PTPRR: variants seen among roughly 807,000 people sequenced by gnomAD.
PTPRR encodes protein tyrosine phosphatase receptor type R, also known as receptor-type tyrosine-protein phosphatase R.
Under a neutral mutation model 77.2 loss-of-function variants are expected in PTPRR, and 38 were observed. The observed-to-expected ratio is 0.49, with a 90% CI of 0.38 to 0.65. PTPRR has a LOEUF of 0.65. Ranked by LOEUF, PTPRR falls within the 30% of genes least tolerant of loss-of-function variation. PTPRR has a pLI of 0.00. For synonymous variants in PTPRR, 299 were observed against 283.1 expected (o/e 1.06, Z -0.57); for missense variants, 744 against 799.2 (o/e 0.93, Z 0.83).
chr12:70,657,781 C>T (rs1886639030), intron 12 of PTPRR, among the ~76,000 whole-genome samples: 1 of 152,160 alleles, frequency 6.6e-6, no homozygotes, highest in African/African-American at 2.4e-5. Flanking sequence ...CTCCCTTTCT[C>T]ACCTCCCACA....
At chr12:70,692,437 AT>A (rs2136757732) in intron 8 of PTPRR, among the ~76,000 whole-genome samples, 1 of 152,280 alleles carries the variant, frequency 6.6e-6, no homozygotes, top group Admixed American at 6.5e-5. Flanking sequence ...ATTTTAATTC[AT>A]TTAAGTGTAA....
At chr12:70,882,101 G>T (rs918511941) in intron 2 of PTPRR, among the ~76,000 whole-genome samples, 1 of 152,084 alleles carries the variant, frequency 6.6e-6, no homozygotes, top group Non-Finnish European at 1.5e-5. Context: ...CTGTCATCCT[G>T]TGTCTGGACC....
intron 6 of PTPRR, among the ~76,000 whole-genome samples, chr12:70,714,897 T>G (rs1888963215): frequency 6.6e-6 from 1 of 152,096 alleles, no homozygotes; most frequent in Non-Finnish European, 1.5e-5. Context: ...AGTGGGAAGA[T>G]CGCTGGAGCC....
Position 70,916,149 on chromosome 12 carries a change from G to A in PTPRR, c.58+4184C>T, listed in dbSNP as rs527893723. Among the ~76,000 whole-genome samples the A allele has an allele frequency of 2.6e-5, 4 of 152,160 alleles. 1 individual carries two copies. The South Asian group carries it at 8.3e-4, about 32-fold the overall frequency. On this transcript the variant is annotated intron_variant, in intron 1 of 13. Transcript: ENST00000283228. The stretch of plus-strand genomic sequence containing the variant: ...TGCTAGAATTTTTATCTGGGTGATG[G>A]GGGGAAGGGAAAATGAAATATGAAA...
intron 13 of PTPRR, among the ~76,000 whole-genome samples, chr12:70,642,169 G>A (rs1592626442): frequency 6.6e-6 from 1 of 151,906 alleles, no homozygotes; most frequent in East Asian, 1.9e-4. Context: ...GTGCCTACAT[G>A]GTGCCTGGTT....
Position 70,764,677 on chromosome 12 carries a change from G to T in PTPRR, c.459C>A (p.Ile153=), listed in dbSNP as rs189132625. The change falls in exon 3 of 14, where the codon ATC becomes ATA. Residue 153 remains isoleucine, a synonymous_variant. Coordinates refer to ENST00000283228, the MANE Select transcript of PTPRR (RefSeq NM_002849.4). ...GTGGGTATCTTACAATGAGGCGATTGATGTGCACTTGCTGGGGTAAGAGTC... is the reference window on the plus strand; with the variant it reads ...GTGGGTATCTTACAATGAGGCGATTTATGTGCACTTGCTGGGGTAAGAGTC... ...ALGLLPQQVH[I]NRLIGKKNSI... is the part of the protein sequence containing the mutation. 5.0e-6 allele frequency: 8 copies of T among 1,612,216 alleles called. No individual in the cohort carries two copies. The Admixed American group carries it at 1.0e-4, about 20-fold the overall frequency.
At chr12:70,729,171 CAT>C (rs1440737322) in intron 6 of PTPRR, among the ~76,000 whole-genome samples, 2 of 152,006 alleles carry the variant, frequency 1.3e-5, no homozygotes, top group African/African-American at 4.8e-5. Context: ...TCAAATACAC[CAT>C]AGACATTTAA....
chr12:70,784,970 G>A (rs186743057), intron 2 of PTPRR, among the ~76,000 whole-genome samples: 44 of 152,284 alleles, frequency 2.9e-4, no homozygotes, highest in African/African-American at 1.0e-3. Flanking sequence ...AAAAGCAATG[G>A]TCAAAACAAT....
intron 2 of PTPRR, among the ~76,000 whole-genome samples, chr12:70,823,047 C>G (rs905053793): frequency 1.3e-5 from 2 of 151,568 alleles, no homozygotes; most frequent in Non-Finnish European, 2.9e-5. Context: ...CTTTGCCTTT[C>G]CCTCAGCAAC....
intron 4 of PTPRR, 89 bp downstream of exon 4, chr12:70,761,382 A>T (rs1890687206): frequency 8.2e-7 from 1 of 1,216,826 alleles, no homozygotes; most frequent in East Asian, 2.5e-5. Flanking sequence ...ACAATAAACA[A>T]CTTCCATCTC....
intron 2 of PTPRR, among the ~76,000 whole-genome samples, chr12:70,800,473 CACTT>C (rs2137019459): frequency 6.6e-6 from 1 of 152,264 alleles, no homozygotes; most frequent in African/African-American, 2.4e-5. Context: ...AAAGAGCTAA[CACTT>C]AGGTAGCACT....
At chr12:70,735,349 T>C (rs1195257039) in intron 6 of PTPRR, among the ~76,000 whole-genome samples, 3 of 152,182 alleles carry the variant, frequency 2.0e-5, no homozygotes, top group East Asian at 1.9e-4. Context: ...CCCACAATCA[T>C]GGCAGAAGGT....
chr12:70,714,756 G>A (rs1386739826), intron 6 of PTPRR, among the ~76,000 whole-genome samples: 3 of 152,094 alleles, frequency 2.0e-5, no homozygotes, highest in African/African-American at 4.8e-5. Flanking sequence ...AGGCTGAGGC[G>A]GGCAGATTGC....
intron 2 of PTPRR, among the ~76,000 whole-genome samples, chr12:70,821,391 A>AT (rs1170526881): frequency 2.7e-5 from 4 of 149,722 alleles, no homozygotes; most frequent in African/African-American, 7.3e-5. Context: ...CGCCCAGCTA[A>AT]TTTTTTTGTA....
At chr12:70,722,213 T>G (rs1592705578) in intron 6 of PTPRR, among the ~76,000 whole-genome samples, 1 of 152,128 alleles carries the variant, frequency 6.6e-6, no homozygotes, top group Admixed American at 6.6e-5. Context: ...ATAAGAATGC[T>G]TTTCCTGTGT....
chr12:70,868,048 A>G (rs1175016931), intron 2 of PTPRR, among the ~76,000 whole-genome samples: 2 of 152,200 alleles, frequency 1.3e-5, no homozygotes, highest in Non-Finnish European at 2.9e-5. Flanking sequence ...AAGATGGATT[A>G]AAGACTTACA....
intron 2 of PTPRR, among the ~76,000 whole-genome samples, chr12:70,857,744 A>G (rs1892677716): frequency 6.6e-6 from 1 of 152,130 alleles, no homozygotes; most frequent in South Asian, 2.1e-4. Context: ...TAAAAGCCTA[A>G]TTGAGGTGAC....
chr12:70,663,915 T>C (rs1592647994), intron 10 of PTPRR, among the ~76,000 whole-genome samples: 1 of 152,098 alleles, frequency 6.6e-6, no homozygotes, highest in Admixed American at 6.6e-5. Flanking sequence ...TAAATACTTA[T>C]AGATTTAAAA....
At chr12:70,647,434 T>C (rs1886241625) in intron 13 of PTPRR, among the ~76,000 whole-genome samples, 1 of 152,044 alleles carries the variant, frequency 6.6e-6, no homozygotes, top group Non-Finnish European at 1.5e-5. Flanking sequence ...CACTGTCTGA[T>C]GTTAAAATAT....
Sources: gnomAD v4.1 joint callset for allele counts (sites outside exome capture counted in the v4.1 genomes callset) on GRCh38, gnomAD v4.1.1 for gene constraint, MANE v1.5 for transcripts, NCBI Gene and HGNC (gene_info 2026-07-23, HGNC 2026-07-21) for gene names.